NDRG3: variants seen among roughly 807,000 people sequenced by gnomAD.
NDRG3 encodes NDRG family member 3.
NDRG3 carries 23 observed loss-of-function variants against 57.2 expected under a neutral mutation model. That is an observed-to-expected ratio of 0.40 (90% CI 0.29 to 0.57). The LOEUF (loss-of-function observed/expected upper bound fraction) is 0.57. Among genes scored for constraint, NDRG3 ranks in the 20% least tolerant of loss-of-function variants. The probability of loss-of-function intolerance (pLI) is 0.42; values close to 1 mark genes in which losing one functional copy is unlikely to be tolerated. For missense variants in NDRG3, 384 were observed against 457.3 expected, an observed-to-expected ratio of 0.84 and a Z score of 1.46; for synonymous variants, 132 against 162.6, an observed-to-expected ratio of 0.81 and a Z score of 1.43.
intron 1 of NDRG3, among the ~76,000 whole-genome samples, chr20:36,730,267 T>G (rs1249456348): frequency 1.3e-5 from 2 of 151,082 alleles, no homozygotes; most frequent in Non-Finnish European, 3.0e-5. Flanking sequence ...AAAAAATTGT[T>G]TTTTTGGAGA....
chr20:36,739,032 G>C (rs961938750), intron 1 of NDRG3, among the ~76,000 whole-genome samples: 36 of 150,190 alleles, frequency 2.4e-4, no homozygotes, highest in Non-Finnish European at 4.3e-4. Context: ...CTACTCAGGA[G>C]GCTGAGGCAG....
chr20:36,696,502 T>C (rs934964176), intron 3 of NDRG3, among the ~76,000 whole-genome samples: 2 of 151,580 alleles, frequency 1.3e-5, no homozygotes, highest in African/African-American at 4.9e-5. Context: ...CTTTCTTTTT[T>C]TTCTTTTTTT....
Position 36,700,583 on chromosome 20 carries a change from CT to C in NDRG3, c.93+6388del, listed in dbSNP as rs1983159446. ...GCAGGGAGTAACGTGCTGTTGCTAC[CT>C]TTTTGTCTTAGTCAATTATCATCTG... is the stretch of plus-strand genomic sequence containing the variant. On this transcript the variant is annotated intron_variant, in intron 3 of 15. Transcript: ENST00000349004. 8.6e-6 allele frequency: 4 copies of C among 464,736 alleles called. No homozygotes were observed. In the Admixed American group the frequency reaches 1.1e-4, roughly 12 times the overall value. 28.8% of individuals were successfully genotyped at this position (464,736 alleles called of 1,614,324 possible). A position where few individuals can be genotyped will look rare whatever the true frequency, so the allele number is the denominator to read the frequency against.
At chr20:36,699,680 G>T (rs1344695565) in intron 3 of NDRG3, among the ~76,000 whole-genome samples, 1 of 151,998 alleles carries the variant, frequency 6.6e-6, no homozygotes, top group Non-Finnish European at 1.5e-5. Flanking sequence ...GGTGGTGGTG[G>T]TGGTGGTGGT....
chr20:36,694,138 G>A (rs372096786), intron 3 of NDRG3, among the ~76,000 whole-genome samples: 79 of 152,232 alleles, frequency 5.2e-4, no homozygotes, highest in African/African-American at 1.8e-3. Context: ...GGCTGAGGAC[G>A]AGGAGGAACA....
chr20:36,655,863 C>T (rs937849899), intron 15 of NDRG3, among the ~76,000 whole-genome samples: 3 of 152,070 alleles, frequency 2.0e-5, no homozygotes, highest in African/African-American at 7.2e-5. Flanking sequence ...AGGTTGGGCA[C>T]GGTAGCTCAC....
In NDRG3 at chr20:36,656,152, AAAG is replaced by A; in HGVS notation, c.946+205_946+207del. Reference sequence around the variant, plus strand: ...TGTCTCAAAAAAAAAAAAAAAAAAAAAAGAATATATATTGCCTGATGAAAGTAA... The same window carrying A: ...TGTCTCAAAAAAAAAAAAAAAAAAAAAATATATATTGCCTGATGAAAGTAA... On this transcript the variant is annotated intron_variant, in intron 15 of 15. Transcript: ENST00000349004. Among the ~76,000 whole-genome samples the A allele has an allele frequency of 1.3e-5, 2 of 151,894 alleles. 1 individual carries two copies. The highest frequency in any genetic ancestry group is 2.9e-5 in the Non-Finnish European group (2 of 67,932).
In NDRG3 at chr20:36,708,809, C is replaced by T. The variant is rs1179980877; in HGVS notation, c.58-1802G>A. Among the ~76,000 whole-genome samples the T allele has an allele frequency of 4.6e-5, 7 of 152,178 alleles. 1 individual carries two copies. Among genetic ancestry groups the T allele is most frequent in the Admixed American group, 2.6e-4 (4 of 15,268 alleles). The stretch of plus-strand genomic sequence containing the variant: ...AGCACGGCACTTTGGGAGGCCAAGG[C>T]GGGCGGATCACCTGAGGTTGGGAGT... On this transcript the variant is annotated intron_variant, in intron 2 of 15. Transcript: ENST00000349004.
At chr20:36,730,465 G>A (rs1985215640) in intron 1 of NDRG3, among the ~76,000 whole-genome samples, 1 of 151,810 alleles carries the variant, frequency 6.6e-6, no homozygotes, top group South Asian at 2.1e-4. Context: ...TGTTGCCCAG[G>A]CTAAGATGCG....
chr20:36,709,169 C>T (rs1407872454), intron 2 of NDRG3, among the ~76,000 whole-genome samples: 1 of 152,172 alleles, frequency 6.6e-6, no homozygotes, highest in African/African-American at 2.4e-5. Context: ...TAGCCGTTAG[C>T]CATATGTACA....
At chr20:36,691,235 C>A (rs547078398) in intron 3 of NDRG3, among the ~76,000 whole-genome samples, 1 of 152,350 alleles carries the variant, frequency 6.6e-6, no homozygotes, top group South Asian at 2.1e-4. Flanking sequence ...AATTGGACAT[C>A]AGTATATCTC....
intron 9 of NDRG3, among the ~76,000 whole-genome samples, chr20:36,667,424 C>A (rs2148047560): frequency 6.6e-6 from 1 of 152,244 alleles, no homozygotes; most frequent in East Asian, 1.9e-4. Context: ...AACAGGCACA[C>A]TCAACTGTGC....
chr20:36,677,688 C>T (rs1345695253), intron 8 of NDRG3, among the ~76,000 whole-genome samples: 3 of 152,154 alleles, frequency 2.0e-5, no homozygotes, highest in Non-Finnish European at 2.9e-5. Flanking sequence ...TCTCCAGGGC[C>T]TCCTGTCGGC....
In NDRG3 at chr20:36,651,930, C is replaced by T. The variant is rs1381165156; in HGVS notation, c.*1590G>A. The T allele has an allele frequency of 6.6e-6, 1 of 152,164 alleles. No individual in the cohort carries two copies. The highest frequency in any genetic ancestry group is 1.5e-5 in the Non-Finnish European group (1 of 68,032). The allele number at this position is 152,164 out of a possible 1,614,324, so 9.4% of individuals were successfully genotyped here. A position where few individuals can be genotyped will look rare whatever the true frequency, so the allele number is the denominator to read the frequency against. ...ACCCTGAGCTTACATCTCAATGCTC[C>T]CAAGAGCTGGGCTCTTGCTATGTGG... On this transcript the variant is annotated 3_prime_UTR_variant, in exon 16 of 16. Coordinates refer to ENST00000349004, the MANE Select transcript of NDRG3 (RefSeq NM_032013.4).
At chr20:36,745,979 A>C in intron 1 of NDRG3, 66 bp downstream of exon 1, 3 of 305,304 alleles carry the variant, frequency 9.8e-6, no homozygotes, top group East Asian at 4.6e-5. Context: ...GAGCAGGGCA[A>C]AGGAGCGACG....
intron 3 of NDRG3, among the ~76,000 whole-genome samples, chr20:36,704,331 T>G (rs2148163967): frequency 6.6e-6 from 1 of 152,292 alleles, no homozygotes; most frequent in Admixed American, 6.5e-5. Context: ...GACCTCAGCC[T>G]CCCAAAGTGC....
chr20:36,725,453 A>T (rs1382455421), intron 1 of NDRG3, among the ~76,000 whole-genome samples: 1 of 150,870 alleles, frequency 6.6e-6, no homozygotes, highest in Admixed American at 6.6e-5. Flanking sequence ...CAATACAAAA[A>T]TTAGCTGGGT....
At chr20:36,664,626 A>T (rs1979463061) in intron 12 of NDRG3, among the ~76,000 whole-genome samples, 1 of 152,228 alleles carries the variant, frequency 6.6e-6, no homozygotes, top group African/African-American at 2.4e-5. Context: ...GCAAACCCTG[A>T]TATGTGCAAT....
intron 1 of NDRG3, among the ~76,000 whole-genome samples, chr20:36,740,507 C>T (rs1292691234): frequency 6.6e-6 from 1 of 152,142 alleles, no homozygotes; most frequent in Non-Finnish European, 1.5e-5. Flanking sequence ...CCACCATACC[C>T]GGCTAATTTT....
Sources: gnomAD v4.1 joint callset for allele counts (sites outside exome capture counted in the v4.1 genomes callset) on GRCh38, gnomAD v4.1.1 for gene constraint, MANE v1.5 for transcripts, NCBI Gene and HGNC (gene_info 2026-07-23, HGNC 2026-07-21) for gene names.